FMN1: variants seen among roughly 807,000 people sequenced by gnomAD.
FMN1 encodes the protein formin 1.
FMN1 carries 110 observed loss-of-function variants against 132.4 expected under a neutral mutation model. That is an observed-to-expected ratio of 0.83 (90% CI 0.71 to 0.97). FMN1 has a LOEUF of 0.97. Among genes scored for constraint, FMN1 ranks in the 50% least tolerant of loss-of-function variants. The pLI is 0.00. For synonymous variants in FMN1, 722 were observed against 651.7 expected (o/e 1.11, Z -1.64); for missense variants, 1,792 against 1,705.3 (o/e 1.05, Z -0.90).
chr15:32,830,698 G>A (rs1346828254), intron 17 of FMN1, among the ~76,000 whole-genome samples: 1 of 152,044 alleles, frequency 6.6e-6, no homozygotes, highest in African/African-American at 2.4e-5. Flanking sequence ...CAGAAAGAGG[G>A]GCAGTTATAT....
intron 16 of FMN1, among the ~76,000 whole-genome samples, chr15:32,882,296 C>T (rs1374853563): frequency 6.6e-6 from 1 of 152,246 alleles, no homozygotes; most frequent in East Asian, 1.9e-4. Context: ...TTTCAAATTT[C>T]AGCTTTGCCA....
At chr15:33,032,138 T>G (rs1016976609) in intron 6 of FMN1, among the ~76,000 whole-genome samples, 1 of 152,220 alleles carries the variant, frequency 6.6e-6, no homozygotes, top group African/African-American at 2.4e-5. Flanking sequence ...CATGGAGGTT[T>G]TAACCATAGT....
chr15:32,936,251 T>C (rs981328120), intron 9 of FMN1, among the ~76,000 whole-genome samples: 2 of 152,154 alleles, frequency 1.3e-5, no homozygotes, highest in Non-Finnish European at 2.9e-5. Context: ...TTCCACTGGT[T>C]GGTCCATGCT....
In FMN1 at chr15:32,969,144, C is replaced by T; in HGVS notation, c.2557G>A (p.Ala853Thr). The T allele has an allele frequency of 6.2e-7, 1 of 1,613,874 alleles. No individual in the cohort carries two copies. Among genetic ancestry groups the T allele is most frequent in the Non-Finnish European group, 8.5e-7 (1 of 1,179,876 alleles). ...PPNDHKDIHA[A>T]LQPMEGMASN... ...GCCATGCCCTCCATTGGCTGGAGTG[C>T]TGCATGGATGTCTTTGTGGTCATTT... The change falls in exon 8 of 21, where the codon GCA becomes ACA. Residue 853 changes from alanine to threonine, a missense_variant. Ala to Thr is a moderately conservative substitution (Grantham distance 58, BLOSUM62 0). This residue lies in a region of FMN1 where 1,150 missense variants were observed against 1,043.1 expected (regional missense o/e 1.10). Transcript: ENST00000616417.
At chr15:33,006,637 T>C (rs1369021824) in intron 7 of FMN1, among the ~76,000 whole-genome samples, 1 of 152,144 alleles carries the variant, frequency 6.6e-6, no homozygotes, top group East Asian at 1.9e-4. Flanking sequence ...GGAATCAACG[T>C]TGAGTGTCCA....
At chr15:32,999,517 A>C (rs952561167) in intron 7 of FMN1, among the ~76,000 whole-genome samples, 1 of 152,242 alleles carries the variant, frequency 6.6e-6, no homozygotes, top group African/African-American at 2.4e-5. Context: ...TCAGTTTGGC[A>C]TTGATCCCTG....
chr15:32,818,014 G>T (rs923745775), intron 17 of FMN1, among the ~76,000 whole-genome samples: 3 of 152,048 alleles, frequency 2.0e-5, no homozygotes, highest in African/African-American at 7.2e-5. Flanking sequence ...CCTCATTGTA[G>T]AACATTTGAG....
chr15:32,860,158 G>T (rs2059232704), intron 16 of FMN1, among the ~76,000 whole-genome samples: 2 of 141,190 alleles, frequency 1.4e-5, no homozygotes, highest in African/African-American at 2.7e-5. Context: ...GAGGAAGGAA[G>T]GAAGGAAAAG....
intron 5 of FMN1, among the ~76,000 whole-genome samples, chr15:33,076,588 C>T (rs1338780639): frequency 2.0e-5 from 3 of 151,996 alleles, no homozygotes; most frequent in East Asian, 1.9e-4. Flanking sequence ...GCACCATGCT[C>T]GGTTCTTTAT....
intron 7 of FMN1, among the ~76,000 whole-genome samples, chr15:32,973,125 T>A (rs568900734): frequency 2.1e-5 from 3 of 142,270 alleles, no homozygotes; most frequent in East Asian, 3.9e-4. Context: ...TTTGAAAAAA[T>A]AAATAAATAA....
At chr15:33,010,296 G>A (rs1361568952) in intron 6 of FMN1, among the ~76,000 whole-genome samples, 1 of 152,162 alleles carries the variant, frequency 6.6e-6, no homozygotes, top group Non-Finnish European at 1.5e-5. Context: ...GTAGTTGCCA[G>A]AGGTTAGAGA....
chr15:32,868,192 T>C (rs1225300495), intron 16 of FMN1, among the ~76,000 whole-genome samples: 1 of 152,242 alleles, frequency 6.6e-6, no homozygotes, highest in African/African-American at 2.4e-5. Flanking sequence ...GGTGATGATG[T>C]AGCCTTTGTA....
intron 16 of FMN1, among the ~76,000 whole-genome samples, chr15:32,878,914 G>A (rs564119788): frequency 5.9e-5 from 9 of 152,132 alleles, no homozygotes; most frequent in African/African-American, 2.2e-4. Flanking sequence ...ACTGAGAGGA[G>A]GAAACCAGGA....
intron 7 of FMN1, among the ~76,000 whole-genome samples, chr15:32,998,960 C>G (rs2033936806): frequency 6.6e-6 from 1 of 152,156 alleles, no homozygotes; most frequent in Non-Finnish European, 1.5e-5. Flanking sequence ...AATGTACCTA[C>G]CGGATTCTAG....
intron 17 of FMN1, among the ~76,000 whole-genome samples, chr15:32,855,752 C>G (rs142702247): frequency 7.0e-4 from 106 of 152,260 alleles, no homozygotes; most frequent in African/African-American, 2.5e-3. Context: ...AAAGCAGATA[C>G]TATTAACTGG....
chr15:33,083,265 G>C (rs1431505453), intron 5 of FMN1, among the ~76,000 whole-genome samples: 3 of 152,200 alleles, frequency 2.0e-5, no homozygotes, highest in Admixed American at 6.5e-5. Flanking sequence ...TATAGAAGTT[G>C]TAATATTTGT....
chr15:33,097,007 T>C (rs569301470), intron 4 of FMN1, among the ~76,000 whole-genome samples: 8 of 152,106 alleles, frequency 5.3e-5, no homozygotes, highest in Middle Eastern at 3.4e-3. Context: ...GTAGAAAGCA[T>C]AGGTAGCCGG....
chr15:32,875,632 G>A (rs890142165), intron 16 of FMN1, among the ~76,000 whole-genome samples: 1 of 152,164 alleles, frequency 6.6e-6, no homozygotes, highest in African/African-American at 2.4e-5. Context: ...GAATCTACGA[G>A]AGATAAGGAT....
At chr15:32,877,527 G>A (rs938503699) in intron 16 of FMN1, among the ~76,000 whole-genome samples, 1 of 152,144 alleles carries the variant, frequency 6.6e-6, no homozygotes, top group Non-Finnish European at 1.5e-5. Context: ...CATGAACAAG[G>A]AGAATTATAG....
Sources: allele counts gnomAD v4.1 joint callset (sites outside exome capture counted in the v4.1 genomes callset), GRCh38; gene constraint gnomAD v4.1.1; regional missense constraint gnomAD v4.1.1; transcripts MANE v1.5; gene names NCBI Gene and HGNC (gene_info 2026-07-23, HGNC 2026-07-21).